The following ZSWIM4 variants were observed in gnomAD, a reference collection of about 807,000 sequenced individuals.
ZSWIM4 encodes zinc finger SWIM-type containing 4.
A neutral mutation model predicts 102.5 loss-of-function variants in ZSWIM4; 62 were observed. That is an observed-to-expected ratio of 0.60 (90% CI 0.49 to 0.75). The LOEUF is 0.75. Ranked by LOEUF, ZSWIM4 falls within the 30% of genes least tolerant of loss-of-function variation. The pLI, the probability that ZSWIM4 is intolerant of heterozygous loss-of-function variation, is 0.00. For synonymous variants in ZSWIM4, 652 were observed against 674.5 expected (o/e 0.97, Z 0.52); for missense variants, 1,280 against 1,529.6 (o/e 0.84, Z 2.72).
intron 1 of ZSWIM4, among the ~76,000 whole-genome samples, chr19:13,796,110 C>A (rs1259261027): frequency 6.6e-6 from 1 of 151,318 alleles, no homozygotes; most frequent in Non-Finnish European, 1.5e-5. Flanking sequence ...CCCCCATGGC[C>A]CGCCTACAAC....
rs1054591037 is a variant in ZSWIM4, at chr19:13,819,690, G to T, written c.2060+198G>T. ...ATTTATTTATTTATTTATTTATTTTGAGCTGGAGTCCTCTGTGACCCAGGC... is the reference window on the plus strand; with the variant it reads ...ATTTATTTATTTATTTATTTATTTTTAGCTGGAGTCCTCTGTGACCCAGGC... On this transcript the variant is annotated intron_variant, in intron 10 of 13. Coordinates refer to ENST00000590508, the MANE Select transcript of ZSWIM4 (RefSeq NM_001367834.3). Among the ~76,000 whole-genome samples the T allele has an allele frequency of 5.4e-5, 8 of 146,840 alleles. No homozygotes were observed. The East Asian group carries it at 1.6e-3, about 29-fold the overall frequency.
chr19:13,813,125 G>C lies in ZSWIM4; in HGVS notation c.1141G>C (p.Asp381His). 6.2e-7 allele frequency: 1 copy of C among 1,613,730 alleles called. No homozygotes were observed. Among genetic ancestry groups the C allele is most frequent in the Admixed American group, 1.7e-5 (1 of 59,984 alleles). The change falls in exon 6 of 14, where the codon GAC becomes CAC. Residue 381 changes from aspartate (D) to histidine (H), a missense_variant. Coordinates refer to ENST00000590508, the MANE Select transcript of ZSWIM4 (RefSeq NM_001367834.3). ...CPLEEGNYSFDGPSLQPTMAP... is the reference protein window; with the variant it reads ...CPLEEGNYSFHGPSLQPTMAP... ...ACTGGAAGAGGGCAACTACTCCTTC[G>C]ACGGCCCCAGCCTGCAGCCCACCAT...
chr19:13,812,185 G>T (rs1370628151), intron 5 of ZSWIM4, among the ~76,000 whole-genome samples: 1 of 152,196 alleles, frequency 6.6e-6, no homozygotes, highest in Non-Finnish European at 1.5e-5. Flanking sequence ...GCAGTGGTTT[G>T]CTAGTTCGCA....
intron 1 of ZSWIM4, among the ~76,000 whole-genome samples, chr19:13,796,297 C>T (rs1194527648): frequency 6.6e-6 from 1 of 152,054 alleles, no homozygotes; most frequent in Non-Finnish European, 1.5e-5. Context: ...CTCTTCGGCC[C>T]CCCGCTTGGG....
In ZSWIM4 at chr19:13,814,878, C is replaced by T. The variant is rs545535068; in HGVS notation, c.1531+13C>T. The T allele has an allele frequency of 4.0e-5, 49 of 1,223,370 alleles. No homozygotes were observed. In the Middle Eastern group the frequency reaches 6.8e-4, roughly 17 times the overall value. 75.8% of individuals were successfully genotyped at this position (1,223,370 alleles called of 1,614,324 possible). A position where few individuals can be genotyped will look rare whatever the true frequency, so the allele number is the denominator to read the frequency against. On this transcript the variant is annotated intron_variant, in intron 7 of 13. Transcript: ENST00000590508. ...CAGCAGAAAAAAGGTCAGCCTCAGC[C>T]GGGCACGGGGGCTCGCACCTGTGAT...
At position 13,823,377 on chromosome 19, in the gene ZSWIM4, G is replaced by A. The variant is rs779947746; in HGVS notation, c.2092G>A (p.Gly698Arg). ...CATACTGGAGACAGCATTTCCTGCTGGAGAACCTCATCCCAGCCCGCTGGA... is the reference window on the plus strand; with the variant it reads ...CATACTGGAGACAGCATTTCCTGCTAGAGAACCTCATCCCAGCCCGCTGGA... ...LPILETAFPAGEPHPSPLDSI... is the reference protein window; with the variant it reads ...LPILETAFPAREPHPSPLDSI... Residue 698 changes from glycine (G) to arginine (R), a missense_variant, in exon 11 of 14, where the codon GGA (glycine) becomes AGA (arginine). Transcript: ENST00000590508. 19 of 1,613,860 alleles carry A rather than the reference G, an allele frequency of 1.2e-5. No homozygotes were observed. Among genetic ancestry groups the A allele is most frequent in the Non-Finnish European group, 1.4e-5 (16 of 1,179,970 alleles).
rs1449535839 is a variant in ZSWIM4, at chr19:13,830,753, C to T, written c.3024C>T (p.Pro1008=). 5.6e-6 allele frequency: 9 copies of T among 1,606,652 alleles called. No individual in the cohort carries two copies. The East Asian group carries it at 1.3e-4, about 24-fold the overall frequency. Reference sequence around the variant, plus strand: ...TGCGCCGCTGGACTCTCTCGGCGCCCGGTCTGGGCCCCTTAGGGGCACGCC... The same window carrying T: ...TGCGCCGCTGGACTCTCTCGGCGCCTGGTCTGGGCCCCTTAGGGGCACGCC... The part of the protein sequence containing the change: ...DILRRWTLSA[P]GLGPLGARRA... The change falls in exon 14 of 14, where the codon CCC becomes CCT. Residue 1008 remains proline (P), a synonymous_variant. Coordinates refer to ENST00000590508, the MANE Select transcript of ZSWIM4 (RefSeq NM_001367834.3).
intron 9 of ZSWIM4, among the ~76,000 whole-genome samples, chr19:13,818,806 T>C (rs345625): frequency 1 from 151,210 of 151,288 alleles, 75,566 homozygotes; most frequent in Middle Eastern, 1. Context: ...TCAAGTGATC[T>C]GCCCGCCTCG....
chr19:13,818,950 G>A (rs1041699220), intron 9 of ZSWIM4, among the ~76,000 whole-genome samples: 3 of 143,988 alleles, frequency 2.1e-5, no homozygotes, highest in South Asian at 2.2e-4. Context: ...TGCACCCTCC[G>A]ATCCCGGGTT....
In ZSWIM4 at chr19:13,825,912, G is replaced by C. The variant is rs1975598029; in HGVS notation, c.2379+199G>C. On this transcript the variant is annotated intron_variant, in intron 12 of 13. Transcript: ENST00000590508. The surrounding 1 kb of genome is among the most constrained non-coding windows in gnomAD (Gnocchi z 4.6). ...GGACTGTGAGTGAGACACACCTCTG[G>C]GGGCGTGGCCTGAGTGTGGGCCACT... Among the ~76,000 whole-genome samples, 1 of 152,198 alleles carries C rather than the reference G, an allele frequency of 6.6e-6. No homozygotes were observed. Among genetic ancestry groups the C allele is most frequent in the Non-Finnish European group, 1.5e-5 (1 of 68,034 alleles).
Position 13,795,788 on chromosome 19 carries a change from G to T in ZSWIM4, c.140G>T (p.Trp47Leu). 8.0e-7 allele frequency: 1 copy of T among 1,252,344 alleles called. No homozygotes were observed. The highest frequency in any genetic ancestry group is 1.0e-6 in the Non-Finnish European group (1 of 997,846). The allele number at this position is 1,252,344 out of a possible 1,614,324, so 77.6% of individuals were successfully genotyped here. A position where few individuals can be genotyped will look rare whatever the true frequency, so the allele number is the denominator to read the frequency against. Residue 47 changes from tryptophan to leucine, a missense_variant, in exon 1 of 14, where the codon TGG becomes TTG. Transcript: ENST00000590508. The stretch of plus-strand genomic sequence containing the variant: ...AGCGCCAAGCGGGTAGCCGAGAGCT[G>T]GGCCTTCGAGCAGGTGACCGCGGGG... ...DLSAKRVAES[W>L]AFEQVEERFS...
At chr19:13,824,270 C>A (rs577577279) in intron 11 of ZSWIM4, among the ~76,000 whole-genome samples, 1 of 152,154 alleles carries the variant, frequency 6.6e-6, no homozygotes, top group Non-Finnish European at 1.5e-5. Flanking sequence ...CTCATCTAAA[C>A]CTAATTATTG....
chr19:13,819,379 G>A lies in ZSWIM4; in HGVS notation c.1947G>A (p.Gly649=). 1.9e-6 allele frequency: 3 copies of A among 1,613,926 alleles called. No homozygotes were observed. Among genetic ancestry groups the A allele is most frequent in the Non-Finnish European group, 2.5e-6 (3 of 1,179,954 alleles). ...CAGGGGGTCCCTTCAGTGGCTTTGG[G>A]GAGGTGCTGTTCCGGGAGAGCGTGC... ...LLEGGPFSGF[G]EVLFRESVPM... The change falls in exon 10 of 14, where the codon GGG becomes GGA. Residue 649 remains glycine, a synonymous_variant. Coordinates refer to ENST00000590508, the MANE Select transcript of ZSWIM4 (RefSeq NM_001367834.3).
At chr19:13,828,583 G>T (rs752981368) in intron 12 of ZSWIM4, 62 bp from the exon 13 acceptor site, 54 of 1,497,724 alleles carry the variant, frequency 3.6e-5, no homozygotes, top group Non-Finnish European at 4.9e-5. Flanking sequence ...ATCTCCCAAC[G>T]CCCCTCCATA....
chr19:13,804,571 T>C (rs1363763187), intron 2 of ZSWIM4, among the ~76,000 whole-genome samples: 1 of 151,660 alleles, frequency 6.6e-6, no homozygotes, highest in Non-Finnish European at 1.5e-5. Context: ...CGCTTGAACC[T>C]GGGAGGCGGA....
At chr19:13,795,886 C>T in intron 1 of ZSWIM4, 85 bp downstream of exon 1, 1 of 938,424 alleles carries the variant, frequency 1.1e-6, no homozygotes, top group Non-Finnish European at 1.3e-6. Flanking sequence ...AATCCCCAGA[C>T]TCCAGAGCTA....
At position 13,814,640 on chromosome 19, in the gene ZSWIM4, T is replaced by C. The variant is rs1471813198; in HGVS notation, c.1306T>C (p.Tyr436His). ...YLQRILASDSYGPSLTGSVGG... is the reference protein window; with the variant it reads ...YLQRILASDSHGPSLTGSVGG... ...GCAGAGGATCCTGGCCAGTGACTCC[T>C]ACGGGCCCAGCCTCACAGGCAGCGT... The change falls in exon 7 of 14, where the codon TAC becomes CAC. Residue 436 changes from tyrosine to histidine, a missense_variant. Physicochemically the swap from Tyr to His is moderately conservative, Grantham distance 83. Transcript: ENST00000590508. 16 of 1,263,136 alleles carry C rather than the reference T, an allele frequency of 1.3e-5. No individual in the cohort carries two copies. The highest frequency in any genetic ancestry group is 1.6e-5 in the Non-Finnish European group (16 of 970,294). The allele number at this position is 1,263,136 out of a possible 1,614,324, so 78.2% of individuals were successfully genotyped here.
At position 13,832,180 on chromosome 19, in the gene ZSWIM4, A is replaced by G. The variant is rs570510334; in HGVS notation, c.*1130A>G. ...TTTTTCTTTTTAATTTTATTTTGAG[A>G]CTGGGGTGCATCTCCAGAGCCACTC... On this transcript the variant is annotated 3_prime_UTR_variant, in exon 14 of 14. Transcript: ENST00000590508. 1 of 121,370 alleles carries G rather than the reference A, an allele frequency of 8.2e-6. No individual in the cohort carries two copies. Among genetic ancestry groups the G allele is most frequent in the East Asian group, 2.3e-4 (1 of 4,280 alleles). 7.5% of individuals were successfully genotyped at this position (121,370 alleles called of 1,614,324 possible). A position where few individuals can be genotyped will look rare whatever the true frequency, so the allele number is the denominator to read the frequency against.
chr19:13,813,315 C>G (rs886677818), intron 6 of ZSWIM4, 151 bp downstream of exon 6: 2 of 697,394 alleles, frequency 2.9e-6, no homozygotes, highest in African/African-American at 1.8e-5. Flanking sequence ...AGGACTAATC[C>G]CAACTTGTCT....
Sources: gnomAD v4.1 joint callset for allele counts (sites outside exome capture counted in the v4.1 genomes callset) on GRCh38, gnomAD v4.1.1 for gene constraint, Gnocchi (gnomAD v3.1) non-coding constraint, MANE v1.5 for transcripts, NCBI Gene and HGNC (gene_info 2026-07-23, HGNC 2026-07-21) for gene names.